FRMD4A: variants seen among roughly 807,000 people sequenced by gnomAD.
The protein encoded by FRMD4A is FERM domain containing 4A.
FRMD4A carries 29 observed loss-of-function variants against 129.1 expected under a neutral mutation model. The ratio of observed to expected loss-of-function variants is 0.22; its 90% confidence interval spans 0.17 to 0.31. The LOEUF is 0.31. Among genes scored for constraint, FRMD4A ranks in the 10% least tolerant of loss-of-function variants. The pLI, the probability that FRMD4A is intolerant of heterozygous loss-of-function variation, is 1.00. For missense variants in FRMD4A, 1,272 were observed against 1,375.8 expected (o/e 0.92, Z 1.19); for synonymous variants, 634 against 571.6 (o/e 1.11, Z -1.56).
intron 2 of FRMD4A, among the ~76,000 whole-genome samples, chr10:13,887,902 T>A (rs984686469): frequency 1.3e-5 from 2 of 152,156 alleles, no homozygotes; most frequent in Non-Finnish European, 2.9e-5. Context: ...ATGTGCTGAT[T>A]CCATGAGACA....
chr10:13,734,975 G>C (rs946380904), intron 12 of FRMD4A, among the ~76,000 whole-genome samples: 1 of 152,160 alleles, frequency 6.6e-6, no homozygotes, highest in Non-Finnish European at 1.5e-5. Flanking sequence ...CCAGGTTCAA[G>C]TGATTCTCCT....
At chr10:14,243,774 A>ATAGC (rs141027340) in intron 2 of FRMD4A, among the ~76,000 whole-genome samples, 1 of 152,148 alleles carries the variant, frequency 6.6e-6, no homozygotes, top group East Asian at 1.9e-4. Context: ...ACTGCTATTA[A>ATAGC]ACTGAACACT....
At chr10:14,255,167 C>A (rs531607747) in intron 2 of FRMD4A, among the ~76,000 whole-genome samples, 1 of 152,296 alleles carries the variant, frequency 6.6e-6, no homozygotes, top group East Asian at 1.9e-4. Context: ...TAGAAAATGC[C>A]AGCAAATGAA....
chr10:14,023,221 G>A (rs1211109798), intron 2 of FRMD4A, among the ~76,000 whole-genome samples: 1 of 152,130 alleles, frequency 6.6e-6, no homozygotes, highest in Non-Finnish European at 1.5e-5. Flanking sequence ...ACGAAGGTCA[G>A]AATGAATGCG....
chr10:13,905,132 T>C (rs1366836890), intron 2 of FRMD4A, among the ~76,000 whole-genome samples: 3 of 152,016 alleles, frequency 2.0e-5, no homozygotes, highest in Non-Finnish European at 4.4e-5. Flanking sequence ...CAAGGACCAG[T>C]CGCAACACTG....
intron 2 of FRMD4A, among the ~76,000 whole-genome samples, chr10:14,130,852 C>A (rs1280087425): frequency 6.6e-6 from 1 of 152,158 alleles, no homozygotes; most frequent in Non-Finnish European, 1.5e-5. Context: ...TCTTACTAGG[C>A]CCAAGCTGTT....
chr10:14,102,332 G>GC (rs1837350293), intron 2 of FRMD4A, among the ~76,000 whole-genome samples: 1 of 152,208 alleles, frequency 6.6e-6, no homozygotes, highest in South Asian at 2.1e-4. Flanking sequence ...TTTGAAACCA[G>GC]CCTGGCCACC....
chr10:14,116,533 G>A (rs1414318082), intron 2 of FRMD4A, among the ~76,000 whole-genome samples: 2 of 152,114 alleles, frequency 1.3e-5, no homozygotes, highest in African/African-American at 4.8e-5. Flanking sequence ...AAATGAAAAA[G>A]GCTTGACAGC....
At chr10:13,679,460 A>AATATATATATAT (rs1564591075) in intron 15 of FRMD4A, among the ~76,000 whole-genome samples, 1 of 27,508 alleles carries the variant, frequency 3.6e-5, no homozygotes, top group African/African-American at 1.9e-4. Context: ...AAAAAAAAAA[A>AATATATATATAT]ATATATATAT....
intron 2 of FRMD4A, among the ~76,000 whole-genome samples, chr10:13,979,216 G>A (rs1428847981): frequency 6.6e-6 from 1 of 152,172 alleles, no homozygotes; most frequent in Admixed American, 6.5e-5. Flanking sequence ...ATACATATTT[G>A]TTTTGTTTAG....
chr10:14,206,334 T>C (rs948745343), intron 2 of FRMD4A, among the ~76,000 whole-genome samples: 2 of 152,146 alleles, frequency 1.3e-5, no homozygotes, highest in African/African-American at 4.8e-5. Flanking sequence ...CTACCACCTA[T>C]AGGTTAAAAC....
chr10:13,887,776 C>G (rs2131151930), intron 2 of FRMD4A, among the ~76,000 whole-genome samples: 1 of 152,330 alleles, frequency 6.6e-6, no homozygotes, highest in Middle Eastern at 3.4e-3. Context: ...CTCTGACCAT[C>G]TTCTGTAAAC....
At chr10:14,038,317 C>T (rs1833603845) in intron 2 of FRMD4A, among the ~76,000 whole-genome samples, 1 of 151,878 alleles carries the variant, frequency 6.6e-6, no homozygotes, top group Non-Finnish European at 1.5e-5. Context: ...AGCGAGACTC[C>T]GTCTCAAAAT....
chr10:13,737,915 G>T lies in FRMD4A; in HGVS notation c.688C>A (p.Pro230Thr). ...YYAVKDKQGI[P>T]WWLGLSYKGI... is the part of the protein sequence containing the mutation. ...TTGTAGCTCAGGCCCAGCCACCATGGTATGCCCTGCTTGTCCTAGGATATC... is the reference window on the plus strand; with the variant it reads ...TTGTAGCTCAGGCCCAGCCACCATGTTATGCCCTGCTTGTCCTAGGATATC... Residue 230 changes from proline (P) to threonine (T), a missense_variant, in exon 12 of 25, where the codon CCA becomes ACA. Physicochemically the swap from Pro to Thr is conservative, Grantham distance 38 (BLOSUM62 -1). Around this residue, in one of 2 missense-constraint regions of FRMD4A, gnomAD observed 300 missense variants for 483.6 expected, o/e 0.62. Transcript: ENST00000357447. The T allele has an allele frequency of 6.3e-7, 1 of 1,595,538 alleles. No individual in the cohort carries two copies. The highest frequency in any genetic ancestry group is 8.6e-7 in the Non-Finnish European group (1 of 1,163,328).
chr10:13,795,252 A>T (rs924531889), intron 5 of FRMD4A, among the ~76,000 whole-genome samples: 3 of 152,258 alleles, frequency 2.0e-5, no homozygotes, highest in African/African-American at 4.8e-5. Flanking sequence ...TTGCTTTGCC[A>T]TAAATCTGAG....
chr10:13,917,408 C>G (rs2610817), intron 2 of FRMD4A, among the ~76,000 whole-genome samples: 151,588 of 151,978 alleles, frequency 1, 75,600 homozygotes, highest in Middle Eastern at 1. Context: ...TCCTGCCTCA[C>G]CCTCCTGAGT....
At chr10:14,283,304 G>A (rs1845581778) in intron 2 of FRMD4A, among the ~76,000 whole-genome samples, 1 of 152,166 alleles carries the variant, frequency 6.6e-6, no homozygotes, top group Non-Finnish European at 1.5e-5. Flanking sequence ...ACTTCTGCCA[G>A]TTTTGTGGTT....
chr10:14,207,576 C>T (rs752552960), intron 2 of FRMD4A, among the ~76,000 whole-genome samples: 18 of 151,956 alleles, frequency 1.2e-4, no homozygotes, highest in Non-Finnish European at 2.4e-4. Context: ...TTGTCCTTCC[C>T]CTTTTAAGGT....
chr10:13,698,272 T>C (rs920997707), intron 14 of FRMD4A, among the ~76,000 whole-genome samples: 1 of 152,064 alleles, frequency 6.6e-6, no homozygotes, highest in Non-Finnish European at 1.5e-5. Context: ...TAAACATCAT[T>C]TGGGAGGCCT....
Sources: allele counts gnomAD v4.1 joint callset (sites outside exome capture counted in the v4.1 genomes callset), GRCh38; gene constraint gnomAD v4.1.1; regional missense constraint gnomAD v4.1.1; transcripts MANE v1.5; gene names NCBI Gene and HGNC (gene_info 2026-07-23, HGNC 2026-07-21).